The following NRG1 variants were observed in gnomAD, a reference collection of about 807,000 sequenced individuals.
NRG1 encodes the protein neuregulin 1.
Under a neutral mutation model 63.8 loss-of-function variants are expected in NRG1, and 18 were observed. The ratio of observed to expected loss-of-function variants is 0.28; its 90% CI spans 0.19 to 0.42. NRG1 has a LOEUF of 0.42. Among genes scored for constraint, NRG1 ranks in the 10% least tolerant of loss-of-function variants. The pLI is 1.00. For synonymous variants in NRG1, 302 were observed against 301.3 expected, an observed-to-expected ratio of 1.00 and a Z score of -0.02; for missense variants, 762 against 814.7, an observed-to-expected ratio of 0.94 and a Z score of 0.79.
chr8:31,662,796 G>T (rs1806128360), intron 1 of NRG1, among the ~76,000 whole-genome samples: 1 of 152,160 alleles, frequency 6.6e-6, no homozygotes, highest in Non-Finnish European at 1.5e-5. Context: ...ATAGATCTGA[G>T]AAATAAAAAA....
intron 1 of NRG1, among the ~76,000 whole-genome samples, chr8:31,870,244 T>A (rs1829358665): frequency 6.6e-6 from 1 of 151,484 alleles, no homozygotes; most frequent in South Asian, 2.1e-4. Flanking sequence ...AAAAAAGGAA[T>A]GTAGTCAGAT....
At position 32,411,668 on chromosome 8, in the gene NRG1, T is replaced by TTA. The variant is rs150344531; in HGVS notation, c.38-184159_38-184158insAT. On this transcript the variant is annotated intron_variant, in intron 1 of 10. Coordinates refer to the NRG1 transcript ENST00000519301. ...AGATGCTCCTCAGCTTATAATGGGGTTGTCTGGATAAATCCATTGTAAGTT... is the reference window on the plus strand; with the variant it reads ...AGATGCTCCTCAGCTTATAATGGGGTTATGTCTGGATAAATCCATTGTAAGTT... Among the ~76,000 whole-genome samples, 921 of 152,304 alleles carry TTA rather than the reference T, an allele frequency of 6.0e-3. 12 individuals are homozygous for TTA. Among genetic ancestry groups the TTA allele is most frequent in the African/African-American group, 0.021 (884 of 41,566 alleles).
chr8:31,713,450 G>T (rs540213583), intron 1 of NRG1, among the ~76,000 whole-genome samples: 3 of 152,180 alleles, frequency 2.0e-5, no homozygotes, highest in South Asian at 4.2e-4. Flanking sequence ...GTGAGGTGTT[G>T]CATATTGGTA....
chr8:31,720,535 G>A (rs1048021916), intron 1 of NRG1, among the ~76,000 whole-genome samples: 1 of 152,134 alleles, frequency 6.6e-6, no homozygotes, highest in East Asian at 1.9e-4. Flanking sequence ...TTCCCACCAC[G>A]TGTCCATGTG....
chr8:32,160,214 G>A (rs1252236901), intron 1 of NRG1, among the ~76,000 whole-genome samples: 1 of 152,114 alleles, frequency 6.6e-6, no homozygotes, highest in African/African-American at 2.4e-5. Flanking sequence ...TGAGAATAAG[G>A]CAGACACGTT....
At chr8:31,852,588 T>C (rs1701476861) in intron 1 of NRG1, among the ~76,000 whole-genome samples, 2 of 151,190 alleles carry the variant, frequency 1.3e-5, no homozygotes, top group Admixed American at 1.3e-4. Flanking sequence ...TAGTTTCTTT[T>C]GCTGTGCAGA....
intron 5 of NRG1, among the ~76,000 whole-genome samples, chr8:32,672,554 A>G (rs1589123403): frequency 2.0e-5 from 3 of 152,294 alleles, no homozygotes; most frequent in South Asian, 4.1e-4. Context: ...CCAAATGTCC[A>G]TGATTTATTG....
intron 6 of NRG1, among the ~76,000 whole-genome samples, chr8:32,738,008 C>T (rs1228785828): frequency 6.6e-6 from 1 of 152,008 alleles, no homozygotes; most frequent in Admixed American, 6.6e-5. Context: ...GGATCAGATA[C>T]GGACGCTGTG....
At chr8:32,608,696 G>A (rs1845775445) in intron 3 of NRG1, among the ~76,000 whole-genome samples, 1 of 152,138 alleles carries the variant, frequency 6.6e-6, no homozygotes, top group Non-Finnish European at 1.5e-5. Flanking sequence ...TAAGCAATGC[G>A]AGTTTGTGGC....
At chr8:31,730,890 A>G (rs1813969836) in intron 1 of NRG1, among the ~76,000 whole-genome samples, 1 of 152,202 alleles carries the variant, frequency 6.6e-6, no homozygotes, top group South Asian at 2.1e-4. Context: ...GAAGAAGCTT[A>G]GTATCTATGA....
chr8:32,250,371 AG>A lies in NRG1; in HGVS notation c.38-345455del, dbSNP rs1848977208. 5.9e-5 allele frequency among the ~76,000 whole-genome samples: 9 copies of A among 152,268 alleles called. No homozygotes were observed. The South Asian group carries it at 1.9e-3, about 32-fold the overall frequency. On this transcript the variant is annotated intron_variant, in intron 1 of 10. Coordinates refer to the NRG1 transcript ENST00000519301. ...TAGTATTTGATGAGAAGCAAGAACAAGGTCTACATTAGTGGATCACAGACTT... is the reference window on the plus strand; with the variant it reads ...TAGTATTTGATGAGAAGCAAGAACAAGTCTACATTAGTGGATCACAGACTT...
intron 1 of NRG1, among the ~76,000 whole-genome samples, chr8:31,869,413 T>C (rs960452801): frequency 6.6e-6 from 1 of 152,204 alleles, no homozygotes; most frequent in African/African-American, 2.4e-5. Flanking sequence ...TTCAGAGTCA[T>C]CTCTGATGCA....
At chr8:31,956,057 A>AC (rs1284789330) in intron 1 of NRG1, among the ~76,000 whole-genome samples, 4 of 151,628 alleles carry the variant, frequency 2.6e-5, no homozygotes, top group African/African-American at 9.7e-5. Flanking sequence ...AAAAAAACAA[A>AC]AAAACAAAAA....
chr8:32,207,293 G>T (rs1164860371), intron 1 of NRG1, among the ~76,000 whole-genome samples: 4 of 151,410 alleles, frequency 2.6e-5, no homozygotes, highest in Non-Finnish European at 5.9e-5. Flanking sequence ...GTATTATATT[G>T]GTGCAAAAGT....
chr8:32,604,661 G>A (rs1011703492), intron 2 of NRG1, among the ~76,000 whole-genome samples: 1 of 151,972 alleles, frequency 6.6e-6, no homozygotes, highest in Admixed American at 6.5e-5. Context: ...TTGAATTCTT[G>A]GGCCCAAGTG....
chr8:32,336,914 G>C (rs114577533), intron 1 of NRG1, among the ~76,000 whole-genome samples: 1,697 of 152,088 alleles, frequency 0.011, 30 homozygotes, highest in African/African-American at 0.039. Context: ...CCGGCCTAGA[G>C]TGGACATTTT....
chr8:32,646,613 C>A, intron 5 of NRG1: 3 of 890,232 alleles, frequency 3.4e-6, no homozygotes, highest in Non-Finnish European at 4.0e-6. Flanking sequence ...TTCTCTGACC[C>A]AACAGTGGGT....
intron 1 of NRG1, among the ~76,000 whole-genome samples, chr8:31,778,308 G>C (rs774731138): frequency 2.0e-5 from 3 of 152,090 alleles, no homozygotes; most frequent in African/African-American, 7.2e-5. Context: ...AGTCTAGGGC[G>C]ATCCTGGTGG....
chr8:32,383,916 T>C (rs1587257504), intron 1 of NRG1, among the ~76,000 whole-genome samples: 1 of 152,266 alleles, frequency 6.6e-6, no homozygotes, highest in Admixed American at 6.5e-5. Context: ...GCCCACAGGA[T>C]GATATGTATA....
Sources: gnomAD v4.1 joint callset for allele counts (sites outside exome capture counted in the v4.1 genomes callset) on GRCh38, gnomAD v4.1.1 for gene constraint, MANE v1.5 for transcripts, NCBI Gene and HGNC (gene_info 2026-07-23, HGNC 2026-07-21) for gene names.